Variants in SLC26A7 observed in about 807,000 individuals in gnomAD.
SLC26A7 encodes solute carrier family 26 member 7, also known as anion exchange transporter.
Under a neutral mutation model 82.5 loss-of-function variants are expected in SLC26A7, and 59 were observed. That is an observed-to-expected ratio of 0.72 (90% CI 0.58 to 0.89). SLC26A7 has a LOEUF of 0.89. Among genes scored for constraint, SLC26A7 ranks in the 40% least tolerant of loss-of-function variants. The probability of loss-of-function intolerance (pLI) is 0.00; values close to 1 mark genes in which losing one functional copy is unlikely to be tolerated. For synonymous variants in SLC26A7, 271 were observed against 274.3 expected (o/e 0.99, Z 0.12); for missense variants, 820 against 793.0 (o/e 1.03, Z -0.41).
intron 5 of SLC26A7, among the ~76,000 whole-genome samples, chr8:91,323,611 G>T (rs1812852963): frequency 6.6e-6 from 1 of 152,090 alleles, no homozygotes; most frequent in South Asian, 2.1e-4. Context: ...CATTTGTTCT[G>T]AGACTTATTT....
At chr8:91,277,866 C>G in intron 2 of SLC26A7, among the ~76,000 whole-genome samples, 1 of 152,066 alleles carries the variant, frequency 6.6e-6, no homozygotes, top group East Asian at 1.9e-4. Context: ...TTATTCCCCC[C>G]CAAATTAGTG....
At chr8:91,353,407 C>G (rs978324396) in intron 11 of SLC26A7, among the ~76,000 whole-genome samples, 2 of 152,146 alleles carry the variant, frequency 1.3e-5, no homozygotes, top group African/African-American at 4.8e-5. Context: ...ATAGGGTGAA[C>G]CTCTTAATGG....
At chr8:91,392,437 A>G (rs1808430750) in intron 16 of SLC26A7, among the ~76,000 whole-genome samples, 1 of 152,214 alleles carries the variant, frequency 6.6e-6, no homozygotes, top group South Asian at 2.1e-4. Context: ...TATTGCATAT[A>G]AAACACCTAA....
At chr8:91,366,450 C>G in intron 13 of SLC26A7, 130 bp from the exon 14 acceptor site, 1 of 1,003,928 alleles carries the variant, frequency 1.0e-6, no homozygotes, top group Middle Eastern at 3.2e-4. Context: ...ATTAAGGCCT[C>G]TAAATACATT....
intron 16 of SLC26A7, among the ~76,000 whole-genome samples, chr8:91,390,987 T>C (rs894794101): frequency 5.3e-5 from 8 of 152,172 alleles, no homozygotes; most frequent in African/African-American, 1.7e-4. Flanking sequence ...TTACACAGCA[T>C]GGTCAGAAAG....
chr8:91,277,205 T>C (rs139049047), intron 2 of SLC26A7, among the ~76,000 whole-genome samples: 1 of 152,302 alleles, frequency 6.6e-6, no homozygotes, highest in African/African-American at 2.4e-5. Context: ...CACAAAATAT[T>C]CTCTCTACCT....
chr8:91,282,383 G>A (rs980162946), intron 2 of SLC26A7, among the ~76,000 whole-genome samples: 3 of 152,156 alleles, frequency 2.0e-5, no homozygotes, highest in Non-Finnish European at 4.4e-5. Flanking sequence ...GGCAACAGCA[G>A]GCTGATGAGA....
intron 2 of SLC26A7, 34 bp downstream of exon 2, chr8:91,249,878 C>A (rs1181847871): frequency 2.0e-6 from 3 of 1,484,520 alleles, no homozygotes; most frequent in African/African-American, 2.8e-5. Context: ...CTGTATTATG[C>A]AGAGTAGATG....
intron 16 of SLC26A7, among the ~76,000 whole-genome samples, chr8:91,391,801 G>A (rs937426818): frequency 3.3e-5 from 5 of 149,510 alleles, no homozygotes; most frequent in Non-Finnish European, 7.4e-5. Context: ...GAAACACTAG[G>A]ATTTTTTTTT....
chr8:91,374,385 G>GT (rs35097006), intron 15 of SLC26A7, among the ~76,000 whole-genome samples: 1,711 of 143,778 alleles, frequency 0.012, 17 homozygotes, highest in East Asian at 0.029. Flanking sequence ...TCTTAACACT[G>GT]TTTTTTTTTT....
intron 4 of SLC26A7, among the ~76,000 whole-genome samples, chr8:91,304,376 A>G (rs1812246167): frequency 6.6e-6 from 1 of 152,164 alleles, no homozygotes; most frequent in African/African-American, 2.4e-5. Flanking sequence ...ATTGTTTAAA[A>G]GTGTGTGGCA....
chr8:91,394,797 A>G, intron 18 of SLC26A7: 1 of 935,378 alleles, frequency 1.1e-6, no homozygotes, highest in Non-Finnish European at 1.4e-6. Flanking sequence ...CTTATGAGGT[A>G]GATATGATAA....
chr8:91,322,826 C>T (rs2130814588), intron 5 of SLC26A7, among the ~76,000 whole-genome samples: 1 of 152,190 alleles, frequency 6.6e-6, no homozygotes, highest in African/African-American at 2.4e-5. Flanking sequence ...ATTTTCTGCC[C>T]TAAAAATGGG....
chr8:91,239,576 G>A (rs1810447053), intron 2 of SLC26A7, among the ~76,000 whole-genome samples: 1 of 151,814 alleles, frequency 6.6e-6, no homozygotes, highest in Admixed American at 6.6e-5. Context: ...TCCTAGATCA[G>A]TAATGACAGA....
At chr8:91,270,555 C>T (rs1262396270) in intron 2 of SLC26A7, among the ~76,000 whole-genome samples, 1 of 152,118 alleles carries the variant, frequency 6.6e-6, no homozygotes, top group African/African-American at 2.4e-5. Context: ...TAAATCCAGC[C>T]AGGGTTTCAG....
chr8:91,340,155 T>C (rs1813361790), intron 7 of SLC26A7, among the ~76,000 whole-genome samples: 1 of 152,228 alleles, frequency 6.6e-6, no homozygotes, highest in African/African-American at 2.4e-5. Context: ...TGGTGTAATC[T>C]GAATTCTCTG....
chr8:91,333,012 A>C (rs1234616298), intron 5 of SLC26A7, among the ~76,000 whole-genome samples: 1 of 152,108 alleles, frequency 6.6e-6, no homozygotes, highest in Non-Finnish European at 1.5e-5. Flanking sequence ...GAGTTTCCTT[A>C]TATCAAACAT....
chr8:91,350,433 T>G (rs2130854514), intron 9 of SLC26A7, among the ~76,000 whole-genome samples: 1 of 139,734 alleles, frequency 7.2e-6, no homozygotes, highest in South Asian at 2.2e-4. Context: ...ACGGTTCACT[T>G]TTTTTGAAAA....
At chr8:91,294,132 T>A (rs1366563636) in intron 3 of SLC26A7, among the ~76,000 whole-genome samples, 4 of 152,216 alleles carry the variant, frequency 2.6e-5, no homozygotes, top group Admixed American at 1.3e-4. Context: ...ACCAACTCTA[T>A]GGAACAGAGA....
Sources: allele counts gnomAD v4.1 joint callset (sites outside exome capture counted in the v4.1 genomes callset), GRCh38; gene constraint gnomAD v4.1.1; transcripts MANE v1.5; gene names NCBI Gene and HGNC (gene_info 2026-07-23, HGNC 2026-07-21).